AGBL1: variants seen among roughly 807,000 people sequenced by gnomAD.
AGBL1 encodes cytosolic carboxypeptidase 4.
AGBL1 carries 130 observed loss-of-function variants against 118.9 expected under a neutral mutation model. That is an observed-to-expected ratio of 1.09 (90% CI 0.95 to 1.26). The LOEUF (loss-of-function observed/expected upper bound fraction) is 1.26. AGBL1 is among the 50% of genes most tolerant of loss of function. The probability of loss-of-function intolerance (pLI) is 0.00; values close to 1 mark genes in which losing one functional copy is unlikely to be tolerated. For missense variants in AGBL1, 1,584 were observed against 1,298.1 expected, an observed-to-expected ratio of 1.22 and a Z score of -3.38; for synonymous variants, 555 against 478.9, an observed-to-expected ratio of 1.16 and a Z score of -2.08.
intron 20 of AGBL1, among the ~76,000 whole-genome samples, chr15:86,549,562 A>AC (rs1269372206): frequency 1.3e-5 from 2 of 152,056 alleles, no homozygotes; most frequent in African/African-American, 4.8e-5. Flanking sequence ...GCTAAAAAAA[A>AC]AGTATAATCT....
At chr15:86,483,648 A>G (rs1567018408) in intron 18 of AGBL1, among the ~76,000 whole-genome samples, 1 of 152,102 alleles carries the variant, frequency 6.6e-6, no homozygotes, top group Non-Finnish European at 1.5e-5. Flanking sequence ...GTTGATGATT[A>G]CTTAACTCTG....
At chr15:86,080,098 C>T in intron 1 of AGBL1, 75 bp downstream of exon 1, 1 of 1,137,050 alleles carries the variant, frequency 8.8e-7, no homozygotes, top group East Asian at 3.2e-5. Flanking sequence ...GGGAGCTATG[C>T]ACACAGTCCC....
chr15:86,383,710 C>T (rs977285346), intron 17 of AGBL1, among the ~76,000 whole-genome samples: 1 of 152,328 alleles, frequency 6.6e-6, no homozygotes, highest in African/African-American at 2.4e-5. Flanking sequence ...CAAAATTGAC[C>T]CACTTCAGCC....
intron 21 of AGBL1, among the ~76,000 whole-genome samples, chr15:86,612,734 T>A (rs1422578618): frequency 1.3e-5 from 2 of 152,224 alleles, no homozygotes; most frequent in Non-Finnish European, 2.9e-5. Context: ...TCTTTCTTAC[T>A]AGGTCTTTTC....
At chr15:86,236,538 C>A (rs577761634) in intron 6 of AGBL1, among the ~76,000 whole-genome samples, 2 of 152,014 alleles carry the variant, frequency 1.3e-5, no homozygotes, top group African/African-American at 4.8e-5. Context: ...AGAATGCACA[C>A]GGCTCAAGGT....
intron 18 of AGBL1, among the ~76,000 whole-genome samples, chr15:86,517,460 A>C (rs547165111): frequency 6.6e-6 from 1 of 152,340 alleles, no homozygotes; most frequent in East Asian, 1.9e-4. Flanking sequence ...ATTTAGACCT[A>C]CCAAAGTTCA....
intron 22 of AGBL1, among the ~76,000 whole-genome samples, chr15:86,862,234 A>C (rs1437917922): frequency 6.6e-6 from 1 of 152,214 alleles, no homozygotes; most frequent in African/African-American, 2.4e-5. Flanking sequence ...TGCACAGAGA[A>C]CCAGCATTTA....
At chr15:86,686,344 A>G (rs760136197) in intron 22 of AGBL1, among the ~76,000 whole-genome samples, 4 of 152,064 alleles carry the variant, frequency 2.6e-5, no homozygotes, top group Non-Finnish European at 5.9e-5. Context: ...GTGAAGAAAT[A>G]GACACCAGGG....
chr15:86,218,833 G>T (rs2078232511), intron 5 of AGBL1, among the ~76,000 whole-genome samples: 1 of 152,174 alleles, frequency 6.6e-6, no homozygotes, highest in Non-Finnish European at 1.5e-5. Context: ...GAACCTGTTT[G>T]AGTTGGGAAA....
chr15:86,604,572 T>C (rs1178610040), intron 21 of AGBL1, among the ~76,000 whole-genome samples: 1 of 152,192 alleles, frequency 6.6e-6, no homozygotes, highest in African/African-American at 2.4e-5. Context: ...CCTCTTCTTT[T>C]CCTGTGCTAT....
intron 5 of AGBL1, among the ~76,000 whole-genome samples, chr15:86,184,189 C>T (rs534472677): frequency 6.6e-6 from 1 of 152,170 alleles, no homozygotes; most frequent in Non-Finnish European, 1.5e-5. Context: ...ATATTGACTT[C>T]TTAAATTTTG....
At chr15:86,681,722 C>G (rs1234203932) in intron 22 of AGBL1, among the ~76,000 whole-genome samples, 1 of 152,146 alleles carries the variant, frequency 6.6e-6, no homozygotes, top group Non-Finnish European at 1.5e-5. Context: ...TAGAGAGGTC[C>G]TCTTGTTTTA....
At chr15:86,865,838 C>T (rs183999706) in intron 22 of AGBL1, among the ~76,000 whole-genome samples, 31 of 152,310 alleles carry the variant, frequency 2.0e-4, no homozygotes, top group African/African-American at 5.8e-4. Flanking sequence ...TTCTCTGCAG[C>T]TTTGGGATGA....
At chr15:86,273,393 CAG>C (rs2079192803) in intron 15 of AGBL1, among the ~76,000 whole-genome samples, 1 of 152,184 alleles carries the variant, frequency 6.6e-6, no homozygotes, top group Non-Finnish European at 1.5e-5. Flanking sequence ...ATGAATACAA[CAG>C]AGATGAATGG....
intron 18 of AGBL1, among the ~76,000 whole-genome samples, chr15:86,457,938 G>A (rs2082280865): frequency 6.6e-6 from 1 of 152,148 alleles, no homozygotes; most frequent in African/African-American, 2.4e-5. Context: ...TCAACTGTCA[G>A]TGCTTTCGAT....
At chr15:86,740,346 G>A (rs1424008828) in intron 22 of AGBL1, among the ~76,000 whole-genome samples, 2 of 152,160 alleles carry the variant, frequency 1.3e-5, no homozygotes, top group Non-Finnish European at 2.9e-5. Flanking sequence ...AATTGAAGAG[G>A]TTAACATTTT....
At chr15:86,608,467 G>A (rs1010143759) in intron 21 of AGBL1, among the ~76,000 whole-genome samples, 3 of 152,180 alleles carry the variant, frequency 2.0e-5, no homozygotes. Flanking sequence ...AAGACACTAT[G>A]CAGAGAAATG....
intron 23 of AGBL1, among the ~76,000 whole-genome samples, chr15:86,935,617 T>TCCTG (rs1381086957): frequency 2.0e-5 from 3 of 152,210 alleles, no homozygotes; most frequent in Non-Finnish European, 1.5e-5. Context: ...GGAACTTATT[T>TCCTG]TTCAGTTTCC....
chr15:86,434,002 C>T (rs1459681762), intron 18 of AGBL1, among the ~76,000 whole-genome samples: 1 of 152,170 alleles, frequency 6.6e-6, no homozygotes, highest in Non-Finnish European at 1.5e-5. Flanking sequence ...TGTAATTGAT[C>T]CAGAAATTCT....
Sources: gnomAD v4.1 joint callset for allele counts (sites outside exome capture counted in the v4.1 genomes callset) on GRCh38, gnomAD v4.1.1 for gene constraint, MANE v1.5 for transcripts, NCBI Gene and HGNC (gene_info 2026-07-23, HGNC 2026-07-21) for gene names.